Variants in STXBP5L observed in about 807,000 individuals in gnomAD.
The protein encoded by STXBP5L is syntaxin-binding protein 5-like.
A neutral mutation model predicts 144.5 loss-of-function variants in STXBP5L; 65 were observed. That is an observed-to-expected ratio of 0.45 (90% CI 0.37 to 0.55). The LOEUF (loss-of-function observed/expected upper bound fraction) is 0.55. STXBP5L is among the 20% of genes least tolerant of loss of function. STXBP5L has a pLI of 0.00. For synonymous variants in STXBP5L, 505 were observed against 469.6 expected (o/e 1.08, Z -0.97); for missense variants, 1,298 against 1,405.5 (o/e 0.92, Z 1.22).
At chr3:120,941,513 T>C (rs1222850310) in intron 2 of STXBP5L, among the ~76,000 whole-genome samples, 1 of 151,768 alleles carries the variant, frequency 6.6e-6, no homozygotes, top group Non-Finnish European at 1.5e-5. Flanking sequence ...ATTTTAAATG[T>C]GCCTTCATTA....
chr3:121,216,971 T>C (rs956077113), intron 10 of STXBP5L, among the ~76,000 whole-genome samples: 8 of 152,132 alleles, frequency 5.3e-5, no homozygotes, highest in Admixed American at 1.3e-4. Context: ...CTGGTGGCTT[T>C]GTTTATACTG....
intron 19 of STXBP5L, among the ~76,000 whole-genome samples, chr3:121,296,427 T>C (rs2051652650): frequency 6.6e-6 from 1 of 152,222 alleles, no homozygotes; most frequent in South Asian, 2.1e-4. Context: ...GGGCTTTCCA[T>C]TTCCAGATAG....
At chr3:121,270,127 C>T (rs984548345) in intron 18 of STXBP5L, among the ~76,000 whole-genome samples, 5 of 151,786 alleles carry the variant, frequency 3.3e-5, no homozygotes, top group Non-Finnish European at 5.9e-5. Flanking sequence ...TATGAGTAGT[C>T]ACTCATATTG....
At chr3:121,037,837 CATTA>C (rs1946867478) in intron 3 of STXBP5L, among the ~76,000 whole-genome samples, 1 of 151,894 alleles carries the variant, frequency 6.6e-6, no homozygotes, top group South Asian at 2.1e-4. Flanking sequence ...AATTCAGTTT[CATTA>C]ATTTGTATAG....
At chr3:121,180,293 T>G (rs773844835) in intron 9 of STXBP5L, among the ~76,000 whole-genome samples, 9 of 152,186 alleles carry the variant, frequency 5.9e-5, no homozygotes, top group Admixed American at 6.6e-5. Flanking sequence ...TTAGCCTACT[T>G]AAACAAAATA....
chr3:121,319,899 T>G (rs941524947), intron 20 of STXBP5L, among the ~76,000 whole-genome samples: 1 of 152,110 alleles, frequency 6.6e-6, no homozygotes, highest in African/African-American at 2.4e-5. Context: ...GGAGGATCAC[T>G]TGAGGCCATG....
At chr3:121,205,255 C>T (rs1174825711) in intron 9 of STXBP5L, among the ~76,000 whole-genome samples, 1 of 152,026 alleles carries the variant, frequency 6.6e-6, no homozygotes, top group African/African-American at 2.4e-5. Context: ...CTGTAAAGGC[C>T]AAGATTGAGG....
intron 8 of STXBP5L, 124 bp from the exon 9 acceptor site, chr3:121,157,380 T>G: frequency 9.5e-7 from 1 of 1,048,732 alleles, no homozygotes; most frequent in Non-Finnish European, 1.3e-6. Context: ...GTCAGAAAAA[T>G]TATGTTTTTT....
At position 121,091,435 on chromosome 3, in the gene STXBP5L, C is replaced by A. The variant is rs2042787628; in HGVS notation, c.471-23490C>A. 2.0e-5 allele frequency among the ~76,000 whole-genome samples: 3 copies of A among 151,926 alleles called. No individual in the cohort carries two copies. In the South Asian group the frequency reaches 6.2e-4, roughly 31 times the overall value. ...TCCTATTTCTCCACATCCTCTCCAG[C>A]ACCTGTTGTTCCCTGACTTTTTAAT... On this transcript the variant is annotated intron_variant, in intron 5 of 26. Coordinates refer to ENST00000471454, the MANE Select transcript of STXBP5L (RefSeq NM_001308330.2).
At chr3:121,045,672 A>C in intron 5 of STXBP5L, 137 bp downstream of exon 5, 1 of 779,136 alleles carries the variant, frequency 1.3e-6, no homozygotes. Context: ...TTACTTTCAT[A>C]GTGTTTTCTT....
chr3:121,063,598 C>G (rs745716089), intron 5 of STXBP5L, among the ~76,000 whole-genome samples: 1 of 152,188 alleles, frequency 6.6e-6, no homozygotes, highest in African/African-American at 2.4e-5. Flanking sequence ...AACACCCGCT[C>G]CTTCCTCCAG....
intron 20 of STXBP5L, among the ~76,000 whole-genome samples, chr3:121,328,759 AT>A (rs1228815183): frequency 5.3e-5 from 8 of 152,054 alleles, no homozygotes; most frequent in African/African-American, 1.9e-4. Flanking sequence ...CAAAAAAAAA[AT>A]AAAAAATAAA....
intron 20 of STXBP5L, among the ~76,000 whole-genome samples, chr3:121,343,015 C>G (rs1431398505): frequency 1.3e-5 from 2 of 151,632 alleles, no homozygotes; most frequent in African/African-American, 4.9e-5. Flanking sequence ...CCTGCTGTTT[C>G]CTGACTTTTT....
chr3:121,348,471 T>C (rs898509893), intron 20 of STXBP5L, among the ~76,000 whole-genome samples: 1 of 152,172 alleles, frequency 6.6e-6, no homozygotes, highest in African/African-American at 2.4e-5. Flanking sequence ...GCTGGCCTCA[T>C]AAAATGAGTT....
intron 22 of STXBP5L, among the ~76,000 whole-genome samples, chr3:121,394,602 GTTTTTT>G (rs373859677): frequency 0.013 from 1,316 of 99,782 alleles, 20 homozygotes; most frequent in African/African-American, 0.05. Context: ...TTTGTTGAGG[GTTTTTT>G]TTTTTTTTTT....
chr3:120,966,405 C>T (rs1939578730), intron 3 of STXBP5L, among the ~76,000 whole-genome samples: 1 of 152,174 alleles, frequency 6.6e-6, no homozygotes, highest in Admixed American at 6.5e-5. Flanking sequence ...GGTTTCTCCC[C>T]ATCTTTGTGG....
rs940678952 is a variant in STXBP5L, at chr3:121,110,080, T to C, written c.471-4845T>C. Among the ~76,000 whole-genome samples the C allele has an allele frequency of 9.2e-5, 14 of 152,342 alleles. No homozygotes were observed. The South Asian group carries it at 2.7e-3, about 29-fold the overall frequency. On this transcript the variant is annotated intron_variant, in intron 5 of 26. Coordinates refer to ENST00000471454, the MANE Select transcript of STXBP5L (RefSeq NM_001308330.2). ...TGCTGGTAGATTTTCCCTCATCCTT[T>C]TATTTTGAGCCTATGTGTGTCCCTG...
At chr3:120,995,794 T>A (rs894321322) in intron 3 of STXBP5L, among the ~76,000 whole-genome samples, 1 of 152,168 alleles carries the variant, frequency 6.6e-6, no homozygotes, top group Non-Finnish European at 1.5e-5. Flanking sequence ...CTTACGAAAC[T>A]AATAAGAATT....
intron 7 of STXBP5L, among the ~76,000 whole-genome samples, chr3:121,128,360 G>A (rs1182235212): frequency 6.6e-6 from 1 of 152,034 alleles, no homozygotes; most frequent in Non-Finnish European, 1.5e-5. Flanking sequence ...GGGATCAGGG[G>A]ATGATAATGT....
Sources: gnomAD v4.1 joint callset for allele counts (sites outside exome capture counted in the v4.1 genomes callset) on GRCh38, gnomAD v4.1.1 for gene constraint, MANE v1.5 for transcripts, NCBI Gene and HGNC (gene_info 2026-07-23, HGNC 2026-07-21) for gene names.